Variants in MAP4K4 observed in about 807,000 individuals in gnomAD.
MAP4K4 encodes mitogen-activated protein kinase kinase kinase kinase 4.
A neutral mutation model predicts 189.6 loss-of-function variants in MAP4K4; 38 were observed. That is an observed-to-expected ratio of 0.20 (90% CI 0.15 to 0.26). The LOEUF is 0.26. Ranked by LOEUF, MAP4K4 falls within the 10% of genes least tolerant of loss-of-function variation. The probability of loss-of-function intolerance (pLI) is 1.00; values close to 1 mark genes in which losing one functional copy is unlikely to be tolerated. For synonymous variants in MAP4K4, 610 were observed against 624.3 expected, an observed-to-expected ratio of 0.98 and a Z score of 0.34; for missense variants, 1,054 against 1,726.9, an observed-to-expected ratio of 0.61 and a Z score of 6.91.
At chr2:101,798,337 A>G (rs566833232) in intron 3 of MAP4K4, among the ~76,000 whole-genome samples, 39 of 152,306 alleles carry the variant, frequency 2.6e-4, no homozygotes, top group African/African-American at 8.9e-4. Flanking sequence ...CTTGAGGACA[A>G]TATCAGCCCC....
intron 3 of MAP4K4, among the ~76,000 whole-genome samples, chr2:101,812,850 A>G (rs1283672809): frequency 1.3e-5 from 2 of 152,178 alleles, no homozygotes; most frequent in African/African-American, 2.4e-5. Context: ...TACGTTGGCC[A>G]GGCGTGGTGG....
At chr2:101,860,659 TAG>T in intron 15 of MAP4K4, 164 bp from the exon 16 acceptor site, 2 of 590,890 alleles carry the variant, frequency 3.4e-6, no homozygotes, top group Non-Finnish European at 5.9e-6. Flanking sequence ...AATCTAATCC[TAG>T]CACTGCTTTA....
In MAP4K4 at chr2:101,724,397, T is replaced by G. The variant is rs532556549; in HGVS notation, c.123+25859T>G. 6.4e-4 allele frequency among the ~76,000 whole-genome samples: 98 copies of G among 152,286 alleles called. 2 individuals are homozygous for G. In the South Asian group the frequency reaches 0.02, roughly 31 times the overall value. ...TCATCTATTTGGGCCTCAGGTTCCT[T>G]TTATACAAAAGGAGGGATGGGTCAG... is the stretch of plus-strand genomic sequence containing the variant. On this transcript the variant is annotated intron_variant, in intron 2 of 32. Coordinates refer to ENST00000324219, the Ensembl canonical transcript of MAP4K4.
chr2:101,785,795 TTCTTTCTTTCTC>T (rs1186675270), intron 2 of MAP4K4, among the ~76,000 whole-genome samples: 26 of 15,816 alleles, frequency 1.6e-3, no homozygotes, highest in African/African-American at 3.2e-3. Context: ...TCTCTCTCTC[TTCTTTCTTTCTC>T]TTCTTTCTTT....
intron 30 of MAP4K4, 130 bp downstream of exon 30, chr2:101,887,367 A>T (rs2098503132): frequency 1.1e-6 from 1 of 870,554 alleles, no homozygotes; most frequent in African/African-American, 1.7e-5. Flanking sequence ...GAGTATTTAA[A>T]TGATACGCAA....
intron 18 of MAP4K4, 84 bp from the exon 19 acceptor site, chr2:101,866,344 T>C (rs2097814614): frequency 7.5e-7 from 1 of 1,342,248 alleles, no homozygotes; most frequent in African/African-American, 1.4e-5. Context: ...AGACATTGGA[T>C]GGGCACACCA....
At chr2:101,766,053 G>C (rs889917320) in intron 2 of MAP4K4, among the ~76,000 whole-genome samples, 4 of 152,122 alleles carry the variant, frequency 2.6e-5, no homozygotes, top group Non-Finnish European at 5.9e-5. Flanking sequence ...ACTTTCATTG[G>C]CCCTGGCTGT....
chr2:101,834,571 G>A, intron 8 of MAP4K4, 108 bp downstream of exon 8: 1 of 827,676 alleles, frequency 1.2e-6, no homozygotes, highest in Non-Finnish European at 2.0e-6. Context: ...ATTTCTGGTG[G>A]ACTGTTTAGA....
intron 26 of MAP4K4, among the ~76,000 whole-genome samples, chr2:101,875,000 A>T (rs528859965): frequency 6.6e-6 from 1 of 152,328 alleles, no homozygotes; most frequent in East Asian, 1.9e-4. Context: ...CACAAGGCCC[A>T]TATTTTGTGT....
At chr2:101,862,466 G>A (rs2097694905) in intron 16 of MAP4K4, among the ~76,000 whole-genome samples, 1 of 152,108 alleles carries the variant, frequency 6.6e-6, no homozygotes, top group African/African-American at 2.4e-5. Context: ...GAATAGGTCT[G>A]AGGACTCGTG....
chr2:101,796,801 G>A (rs141324519), intron 3 of MAP4K4, among the ~76,000 whole-genome samples: 2 of 151,062 alleles, frequency 1.3e-5, no homozygotes, highest in African/African-American at 4.9e-5. Flanking sequence ...CCAGTATACT[G>A]GAAGATTGAG....
chr2:101,704,052 C>T (rs1366167105), intron 2 of MAP4K4, among the ~76,000 whole-genome samples: 1 of 152,098 alleles, frequency 6.6e-6, no homozygotes, highest in Non-Finnish European at 1.5e-5. Flanking sequence ...CATTTTGGAG[C>T]AAGTACTTAA....
intron 2 of MAP4K4, among the ~76,000 whole-genome samples, chr2:101,765,674 A>G (rs191573034): frequency 2.6e-5 from 4 of 152,222 alleles, no homozygotes; most frequent in East Asian, 3.8e-4. Context: ...AAATGATTCA[A>G]TGAGGAAATC....
At chr2:101,764,459 C>T (rs1009678730) in intron 2 of MAP4K4, among the ~76,000 whole-genome samples, 3 of 152,192 alleles carry the variant, frequency 2.0e-5, no homozygotes, top group African/African-American at 7.2e-5. Flanking sequence ...ATTCTGCCTA[C>T]CTCTTTGAGG....
chr2:101,872,848 C>CA (rs2098087973), intron 24 of MAP4K4, among the ~76,000 whole-genome samples: 1 of 152,204 alleles, frequency 6.6e-6, no homozygotes, highest in Non-Finnish European at 1.5e-5. Flanking sequence ...CACCTACACT[C>CA]ACATTCTTCC....
At chr2:101,839,718 A>G (rs910705272) in intron 9 of MAP4K4, 101 bp from the exon 10 acceptor site, 7 of 851,888 alleles carry the variant, frequency 8.2e-6, no homozygotes, top group African/African-American at 1.7e-5. Context: ...GTTCACAGTG[A>G]ATTCTGAAGC....
chr2:101,879,504 C>G (rs1194892412), intron 27 of MAP4K4, among the ~76,000 whole-genome samples: 2 of 152,100 alleles, frequency 1.3e-5, no homozygotes, highest in East Asian at 3.8e-4. Context: ...ACTGTGTGGT[C>G]TTTTTCTTCT....
chr2:101,831,694 T>G (rs1011367438), intron 6 of MAP4K4, 27 bp from the exon 7 acceptor site: 7 of 1,572,830 alleles, frequency 4.5e-6, no homozygotes, highest in Non-Finnish European at 6.0e-6. Flanking sequence ...TTATCTTTCT[T>G]TATCTGCCTT....
intron 2 of MAP4K4, among the ~76,000 whole-genome samples, chr2:101,782,749 G>A (rs775114323): frequency 6.6e-6 from 1 of 152,170 alleles, no homozygotes; most frequent in Non-Finnish European, 1.5e-5. Flanking sequence ...GTTTCCTGAA[G>A]TATTCTGAGC....
Sources: allele counts gnomAD v4.1 joint callset (sites outside exome capture counted in the v4.1 genomes callset), GRCh38; gene constraint gnomAD v4.1.1; transcripts MANE v1.5; gene names NCBI Gene and HGNC (gene_info 2026-07-23, HGNC 2026-07-21).